The following SH3RF1 variants were observed in gnomAD, a reference collection of about 807,000 sequenced individuals.
SH3RF1 encodes SH3 domain containing ring finger 1.
In SH3RF1, 32 loss-of-function variants were observed where a neutral mutation model predicts 74.0. That is an observed-to-expected ratio of 0.43 (90% CI 0.33 to 0.58). SH3RF1 has a LOEUF of 0.58. Ranked by LOEUF, SH3RF1 falls within the 20% of genes least tolerant of loss-of-function variation. SH3RF1 has a pLI of 0.05. For missense variants in SH3RF1, 954 were observed against 1,130.9 expected (o/e 0.84, Z 2.24); for synonymous variants, 396 against 439.6 (o/e 0.90, Z 1.24).
At chr4:169,244,203 T>C (rs937126955) in intron 2 of SH3RF1, among the ~76,000 whole-genome samples, 1 of 152,248 alleles carries the variant, frequency 6.6e-6, no homozygotes, top group Non-Finnish European at 1.5e-5. Flanking sequence ...ATGTTATTTC[T>C]AATTTTCACT....
chr4:169,117,434 C>T (rs1207374187), intron 9 of SH3RF1, 89 bp downstream of exon 9: 1 of 1,541,524 alleles, frequency 6.5e-7, no homozygotes, highest in Non-Finnish European at 8.8e-7. Context: ...AAAATTACAT[C>T]TACATTTCTC....
rs1029787068 is a variant in SH3RF1, at chr4:169,106,978, G to C, written c.2367C>G (p.Ala789=). Residue 789 remains alanine (A), a synonymous_variant, in exon 11 of 12, where the codon GCC becomes GCG. Transcript: ENST00000284637. ...GPVTTAVAGA[A]LAQDAFHRKA... Reference sequence around the variant, plus strand: ...TCCTATGAAAAGCATCCTGGGCCAGGGCTGCTCCTGCCACTGCAGTCGTGA... The same window carrying C: ...TCCTATGAAAAGCATCCTGGGCCAGCGCTGCTCCTGCCACTGCAGTCGTGA... 6 of 1,613,714 alleles carry C rather than the reference G, an allele frequency of 3.7e-6. No homozygotes were observed. The African/African-American group carries it at 6.7e-5, about 18-fold the overall frequency.
At chr4:169,113,714 G>C (rs893908575) in intron 10 of SH3RF1, among the ~76,000 whole-genome samples, 1 of 152,136 alleles carries the variant, frequency 6.6e-6, no homozygotes, top group African/African-American at 2.4e-5. Flanking sequence ...ATGATTAAGT[G>C]ACAACAATCA....
intron 2 of SH3RF1, among the ~76,000 whole-genome samples, chr4:169,193,064 T>G (rs112840513): frequency 0.017 from 2,532 of 152,084 alleles, 73 homozygotes; most frequent in African/African-American, 0.056. Flanking sequence ...TGTTCTCACT[T>G]ATAAGTGGGA....
In SH3RF1 at chr4:169,129,430, C is replaced by T. The variant is rs115315149; in HGVS notation, c.1179+616G>A. ...TTTGTATCTGTATCTCCTGGCTACC[C>T]TAATTCTCCCTATTATTTTCCCATT... On this transcript the variant is annotated intron_variant, in intron 6 of 11. Coordinates refer to ENST00000284637, the MANE Select transcript of SH3RF1 (RefSeq NM_020870.4). Among the ~76,000 whole-genome samples, 838 of 152,270 alleles carry T rather than the reference C, an allele frequency of 5.5e-3. 11 individuals carry two copies. Among genetic ancestry groups the T allele is most frequent in the African/African-American group, 0.019 (809 of 41,554 alleles).
At chr4:169,192,954 A>G (rs1734752905) in intron 2 of SH3RF1, among the ~76,000 whole-genome samples, 1 of 150,394 alleles carries the variant, frequency 6.6e-6, no homozygotes, top group African/African-American at 2.4e-5. Context: ...CTACTCAGCC[A>G]TAAAAAGGAA....
intron 9 of SH3RF1, among the ~76,000 whole-genome samples, 156 bp downstream of exon 9, chr4:169,117,367 C>G (rs1306596365): frequency 6.6e-6 from 1 of 152,170 alleles, no homozygotes; most frequent in Non-Finnish European, 1.5e-5. Context: ...ACGCTTAGCC[C>G]AAATAAGCAG....
At chr4:169,207,510 A>C (rs1036966136) in intron 2 of SH3RF1, among the ~76,000 whole-genome samples, 2 of 152,218 alleles carry the variant, frequency 1.3e-5, no homozygotes, top group African/African-American at 4.8e-5. Flanking sequence ...CTACATTTTA[A>C]AACAAGTCAT....
intron 2 of SH3RF1, among the ~76,000 whole-genome samples, chr4:169,250,018 T>C (rs898689093): frequency 2.6e-5 from 4 of 152,194 alleles, no homozygotes; most frequent in Admixed American, 1.3e-4. Flanking sequence ...TGAGGAAATA[T>C]GCTCAAGTCA....
intron 11 of SH3RF1, among the ~76,000 whole-genome samples, chr4:169,099,019 A>C (rs1732974865): frequency 6.6e-6 from 1 of 152,242 alleles, no homozygotes; most frequent in South Asian, 2.1e-4. Flanking sequence ...AACTCAGGCC[A>C]CAACTCAGGC....
intron 2 of SH3RF1, among the ~76,000 whole-genome samples, chr4:169,197,377 C>G (rs1208246105): frequency 1.3e-5 from 2 of 151,912 alleles, no homozygotes; most frequent in Non-Finnish European, 2.9e-5. Context: ...GTAATCCCAG[C>G]ACTTTGGAAG....
In SH3RF1 at chr4:169,096,470, GCTA is replaced by G. The variant is rs1360046127; in HGVS notation, c.*46_*48del. 1 of 1,583,610 alleles carries G rather than the reference GCTA, an allele frequency of 6.3e-7. No homozygotes were observed. Among genetic ancestry groups the G allele is most frequent in the Non-Finnish European group, 8.6e-7 (1 of 1,163,682 alleles). On this transcript the variant is annotated 3_prime_UTR_variant, in exon 12 of 12. Coordinates refer to ENST00000284637, the MANE Select transcript of SH3RF1 (RefSeq NM_020870.4). ...TGCTCTTTCTGTTAAACTGCTTTGT[GCTA>G]CTTTGTTGTGTGAAGTGATTTTAAG...
chr4:169,227,606 TG>T (rs10708330), intron 2 of SH3RF1, among the ~76,000 whole-genome samples: 143,504 of 152,264 alleles, frequency 0.94, 68,191 homozygotes, highest in East Asian at 1. Flanking sequence ...CTGGGATCCC[TG>T]GGGTGTTCCA....
chr4:169,250,755 T>G (rs571416988), intron 2 of SH3RF1, among the ~76,000 whole-genome samples: 2 of 151,922 alleles, frequency 1.3e-5, no homozygotes, highest in Non-Finnish European at 2.9e-5. Context: ...ATAAGTGCCA[T>G]GAAGAAAAAC....
chr4:169,131,145 T>G (rs1465392504), intron 5 of SH3RF1, among the ~76,000 whole-genome samples: 1 of 152,178 alleles, frequency 6.6e-6, no homozygotes, highest in Non-Finnish European at 1.5e-5. Flanking sequence ...TAATGGAAAC[T>G]TTCAGTTTCC....
intron 5 of SH3RF1, among the ~76,000 whole-genome samples, chr4:169,134,948 C>G (rs1404407647): frequency 6.6e-6 from 1 of 152,144 alleles, no homozygotes; most frequent in African/African-American, 2.4e-5. Flanking sequence ...GGCCCTACCA[C>G]CTAAAAATGC....
chr4:169,124,985 C>T (rs887589148), intron 6 of SH3RF1, among the ~76,000 whole-genome samples: 40 of 139,184 alleles, frequency 2.9e-4, no homozygotes, highest in African/African-American at 1.3e-3. Context: ...AGTATACACT[C>T]TCTACTACAG....
chr4:169,234,703 C>T (rs1425508509), intron 2 of SH3RF1, among the ~76,000 whole-genome samples: 1 of 152,212 alleles, frequency 6.6e-6, no homozygotes, highest in African/African-American at 2.4e-5. Flanking sequence ...ATGATATTTA[C>T]TGCAAGCATC....
At chr4:169,151,462 A>C (rs563542777) in intron 4 of SH3RF1, among the ~76,000 whole-genome samples, 1 of 152,104 alleles carries the variant, frequency 6.6e-6, no homozygotes, top group African/African-American at 2.4e-5. Flanking sequence ...AGTAGAGTCA[A>C]GATTGGAATC....
Sources: allele counts gnomAD v4.1 joint callset (sites outside exome capture counted in the v4.1 genomes callset), GRCh38; gene constraint gnomAD v4.1.1; transcripts MANE v1.5; gene names NCBI Gene and HGNC (gene_info 2026-07-23, HGNC 2026-07-21).